Variants in CHCHD6 observed in about 807,000 individuals in gnomAD.
CHCHD6 encodes the protein coiled-coil-helix-coiled-coil-helix domain containing 6, also known as MICOS complex subunit MIC25.
CHCHD6 carries 28 observed loss-of-function variants against 32.3 expected under a neutral mutation model. The observed-to-expected ratio is 0.87, with a 90% CI of 0.64 to 1.19. CHCHD6 has a LOEUF of 1.19. Ranked by LOEUF, CHCHD6 falls within the 50% of genes most tolerant of loss-of-function variation. CHCHD6 has a pLI of 0.00. For synonymous variants in CHCHD6, 122 were observed against 117.5 expected (o/e 1.04, Z -0.25); for missense variants, 333 against 307.0 (o/e 1.08, Z -0.63).
intron 5 of CHCHD6, among the ~76,000 whole-genome samples, chr3:126,911,136 G>A (rs771827091): frequency 1.2e-4 from 18 of 152,186 alleles, no homozygotes; most frequent in South Asian, 4.1e-4. Flanking sequence ...TTTCTGCCAG[G>A]CTGTCCTTTC....
chr3:126,957,767 A>G, intron 7 of CHCHD6: 1 of 636,332 alleles, frequency 1.6e-6, no homozygotes, highest in Non-Finnish European at 2.8e-6. Flanking sequence ...ATCTGGCCCC[A>G]GGGAGATGAT....
intron 4 of CHCHD6, among the ~76,000 whole-genome samples, chr3:126,740,156 G>T (rs539248287): frequency 2.0e-5 from 3 of 152,264 alleles, no homozygotes; most frequent in African/African-American, 7.2e-5. Context: ...TACCTGAAGG[G>T]TTCATCTAAG....
chr3:126,912,583 G>T (rs1489597044), intron 5 of CHCHD6, among the ~76,000 whole-genome samples: 1 of 152,226 alleles, frequency 6.6e-6, no homozygotes, highest in Admixed American at 6.5e-5. Context: ...GCTCAGAAGT[G>T]AGGAGCAGCG....
intron 4 of CHCHD6, among the ~76,000 whole-genome samples, chr3:126,782,428 A>C (rs1937989631): frequency 6.6e-6 from 1 of 152,208 alleles, no homozygotes; most frequent in African/African-American, 2.4e-5. Flanking sequence ...GGCCGATGTC[A>C]TACGCTTTAG....
chr3:126,867,759 C>T (rs1942336390), intron 5 of CHCHD6, among the ~76,000 whole-genome samples: 1 of 152,192 alleles, frequency 6.6e-6, no homozygotes, highest in African/African-American at 2.4e-5. Context: ...TGACCAAGTC[C>T]TGCCCACATC....
intron 4 of CHCHD6, among the ~76,000 whole-genome samples, chr3:126,747,316 C>G (rs1217983261): frequency 6.6e-6 from 1 of 152,136 alleles, no homozygotes; most frequent in African/African-American, 2.4e-5. Flanking sequence ...ATTTGCAGCT[C>G]ATTTCTACTG....
chr3:126,895,426 T>C (rs1412500729), intron 5 of CHCHD6, among the ~76,000 whole-genome samples: 2 of 152,176 alleles, frequency 1.3e-5, no homozygotes, highest in Non-Finnish European at 2.9e-5. Context: ...TTCTGGGCTA[T>C]TTGCAGCAGG....
At chr3:126,894,565 G>A (rs369862118) in intron 5 of CHCHD6, among the ~76,000 whole-genome samples, 1 of 152,198 alleles carries the variant, frequency 6.6e-6, no homozygotes. Context: ...CAGGGGCAGG[G>A]CCCATTTCTT....
In CHCHD6 at chr3:126,811,568, T is replaced by C. The variant is rs538589541; in HGVS notation, c.412-41079T>C. Among the ~76,000 whole-genome samples, 63 of 152,152 alleles carry C rather than the reference T, an allele frequency of 4.1e-4. No homozygotes were observed. In the East Asian group the frequency reaches 6.4e-3, roughly 15 times the overall value. ...GTGGCCACTTTTCCATTTTTTTTTTTCCCCTGCCCCAAGCTGTTTTCTATA... is the reference window on the plus strand; with the variant it reads ...GTGGCCACTTTTCCATTTTTTTTTTCCCCCTGCCCCAAGCTGTTTTCTATA... On this transcript the variant is annotated intron_variant, in intron 4 of 7. Transcript: ENST00000290913.
At chr3:126,916,991 A>T (rs1393493771) in intron 6 of CHCHD6, among the ~76,000 whole-genome samples, 2 of 152,254 alleles carry the variant, frequency 1.3e-5, no homozygotes, top group Non-Finnish European at 2.9e-5. Context: ...AATGCCTGTC[A>T]CCTGCCAAGT....
intron 7 of CHCHD6, among the ~76,000 whole-genome samples, 163 bp from the exon 8 acceptor site, chr3:126,960,033 G>A (rs547811880): frequency 3.0e-4 from 45 of 152,276 alleles, no homozygotes; most frequent in African/African-American, 9.6e-4. Flanking sequence ...TGGGCTCCGG[G>A]GTACAGAGGT....
At chr3:126,800,558 ACAGT>A (rs1475347338) in intron 4 of CHCHD6, among the ~76,000 whole-genome samples, 1 of 152,190 alleles carries the variant, frequency 6.6e-6, no homozygotes, top group Non-Finnish European at 1.5e-5. Flanking sequence ...TGTGTGAGAC[ACAGT>A]CAGATCCCCT....
intron 4 of CHCHD6, among the ~76,000 whole-genome samples, chr3:126,835,356 G>A (rs1940813398): frequency 6.6e-6 from 1 of 152,194 alleles, no homozygotes; most frequent in South Asian, 2.1e-4. Context: ...ACAGTGGCCA[G>A]GCAGCTTGTT....
At chr3:126,944,730 G>A (rs1036716349) in intron 6 of CHCHD6, among the ~76,000 whole-genome samples, 4 of 152,240 alleles carry the variant, frequency 2.6e-5, no homozygotes, top group African/African-American at 9.7e-5. Flanking sequence ...TAACCTTCAG[G>A]GGAAGTTGTG....
intron 5 of CHCHD6, among the ~76,000 whole-genome samples, chr3:126,869,439 C>T (rs76161109): frequency 0.052 from 7,865 of 151,954 alleles, 264 homozygotes; most frequent in African/African-American, 0.085. Context: ...AAAACATGTA[C>T]CAACAAAAAG....
intron 5 of CHCHD6, among the ~76,000 whole-genome samples, chr3:126,859,766 G>GCTGCCTCCCA (rs1170634146): frequency 1.3e-5 from 2 of 152,164 alleles, no homozygotes; most frequent in African/African-American, 4.8e-5. Context: ...ACTGCCACGT[G>GCTGCCTCCCA]CTGCCTCCCA....
chr3:126,817,341 C>CTT (rs564185365), intron 4 of CHCHD6, among the ~76,000 whole-genome samples: 10 of 139,662 alleles, frequency 7.2e-5, no homozygotes, highest in Non-Finnish European at 9.4e-5. Context: ...TTCCTCTTGC[C>CTT]TTTTTTTTTT....
intron 4 of CHCHD6, among the ~76,000 whole-genome samples, chr3:126,770,072 T>C (rs1272401437): frequency 6.6e-6 from 1 of 152,194 alleles, no homozygotes; most frequent in Non-Finnish European, 1.5e-5. Flanking sequence ...CTTGGTTACG[T>C]GTATTCTAAG....
At chr3:126,758,362 A>G (rs1376381647) in intron 4 of CHCHD6, among the ~76,000 whole-genome samples, 2 of 152,222 alleles carry the variant, frequency 1.3e-5, no homozygotes, top group Non-Finnish European at 2.9e-5. Flanking sequence ...TGTAAATGGC[A>G]TTACAAATCA....
Sources: gnomAD v4.1 joint callset for allele counts (sites outside exome capture counted in the v4.1 genomes callset) on GRCh38, gnomAD v4.1.1 for gene constraint, MANE v1.5 for transcripts, NCBI Gene and HGNC (gene_info 2026-07-23, HGNC 2026-07-21) for gene names.